The following GAB2 variants were observed in gnomAD, a reference collection of about 807,000 sequenced individuals.
GAB2 encodes the protein GRB2-associated-binding protein 2.
Under a neutral mutation model 65.5 loss-of-function variants are expected in GAB2, and 26 were observed. That is an observed-to-expected ratio of 0.40 (90% CI 0.29 to 0.55). The LOEUF (loss-of-function observed/expected upper bound fraction) is 0.55. Ranked by LOEUF, GAB2 falls within the 20% of genes least tolerant of loss-of-function variation. GAB2 has a pLI of 0.53. For synonymous variants in GAB2, 321 were observed against 329.6 expected, an observed-to-expected ratio of 0.97 and a Z score of 0.28; for missense variants, 884 against 875.8, an observed-to-expected ratio of 1.01 and a Z score of -0.12.
chr11:78,220,432 A>AC lies in GAB2; in HGVS notation c.1773dup (p.Ser592ValfsTer15). The AC allele has an allele frequency of 6.3e-7, 1 of 1,580,108 alleles. No individual in the cohort carries two copies. The highest frequency in any genetic ancestry group is 8.7e-7 in the Non-Finnish European group (1 of 1,155,932). On this transcript the variant is annotated frameshift_variant, in exon 9 of 10. Coordinates refer to ENST00000361507, the MANE Select transcript of GAB2 (RefSeq NM_080491.3). LOFTEE classifies it high-confidence loss of function. ...GTGCCACTGGGAACGGGAGATGCAGACACTGGGTTTTGCTGTCACGAGGAG... is the reference window on the plus strand; with the variant it reads ...GTGCCACTGGGAACGGGAGATGCAGACCACTGGGTTTTGCTGTCACGAGGAG...
At chr11:78,268,244 T>C (rs1865918061) in intron 2 of GAB2, among the ~76,000 whole-genome samples, 1 of 152,238 alleles carries the variant, frequency 6.6e-6, no homozygotes, top group Admixed American at 6.5e-5. Flanking sequence ...ACTCCTAGTT[T>C]ACTGTTGAAG....
At chr11:78,289,284 G>A (rs922148708) in intron 1 of GAB2, among the ~76,000 whole-genome samples, 1 of 152,034 alleles carries the variant, frequency 6.6e-6, no homozygotes, top group African/African-American at 2.4e-5. Flanking sequence ...TTCAAGAAAT[G>A]GTGCCAAAGC....
In GAB2 at chr11:78,275,175, G is replaced by A. The variant is rs575886763; in HGVS notation, c.376+5426C>T. 3.3e-4 allele frequency among the ~76,000 whole-genome samples: 50 copies of A among 152,254 alleles called. 1 individual carries two copies. Among genetic ancestry groups the A allele is most frequent in the Admixed American group, 1.1e-3 (17 of 15,278 alleles). On this transcript the variant is annotated intron_variant, in intron 2 of 9. Coordinates refer to ENST00000361507, the MANE Select transcript of GAB2 (RefSeq NM_080491.3). ...GCTCCAGTAAAAGGAAAGCAGTGTT[G>A]CATTAAGGAAGAGTTTCTGGGGCTG...
At chr11:78,377,143 T>A (rs568445843) in intron 1 of GAB2, among the ~76,000 whole-genome samples, 1 of 152,306 alleles carries the variant, frequency 6.6e-6, no homozygotes, top group South Asian at 2.1e-4. Flanking sequence ...TGTAAACCAA[T>A]TAAATCTATT....
intron 1 of GAB2, among the ~76,000 whole-genome samples, chr11:78,296,370 T>C (rs1446140602): frequency 6.6e-6 from 1 of 152,246 alleles, no homozygotes; most frequent in African/African-American, 2.4e-5. Context: ...AAAGACACCT[T>C]ATTTAATATT....
chr11:78,403,104 C>T (rs1856995733), intron 1 of GAB2, among the ~76,000 whole-genome samples: 1 of 152,188 alleles, frequency 6.6e-6, no homozygotes, highest in South Asian at 2.1e-4. Context: ...CTTGGACTTG[C>T]CAGCCTCCAG....
intron 1 of GAB2, among the ~76,000 whole-genome samples, chr11:78,288,395 AAAAG>A (rs1214101044): frequency 1.3e-5 from 2 of 150,556 alleles, no homozygotes; most frequent in African/African-American, 4.9e-5. Flanking sequence ...AAAAAAAAAA[AAAAG>A]AAGAAGAAGA....
chr11:78,288,060 G>C (rs1866536566), intron 1 of GAB2, among the ~76,000 whole-genome samples: 2 of 151,856 alleles, frequency 1.3e-5, no homozygotes, highest in South Asian at 4.1e-4. Flanking sequence ...AATGGTCCCT[G>C]TTTGCAGAGG....
At chr11:78,349,042 C>A (rs1460055939) in intron 1 of GAB2, among the ~76,000 whole-genome samples, 1 of 152,174 alleles carries the variant, frequency 6.6e-6, no homozygotes, top group Admixed American at 6.5e-5. Flanking sequence ...GGAAAGACTG[C>A]AAAGGGGCAA....
In GAB2 at chr11:78,374,816, C is replaced by T. The variant is rs7929945; in HGVS notation, c.75+42830G>A. Among the ~76,000 whole-genome samples, 691 of 152,170 alleles carry T rather than the reference C, an allele frequency of 4.5e-3. 4 individuals are homozygous for T. The highest frequency in any genetic ancestry group is 7.2e-3 in the Non-Finnish European group (490 of 67,984). On this transcript the variant is annotated intron_variant, in intron 1 of 9. Transcript: ENST00000361507. ...CAGGAAACTAAGAACTAAGAAAGAA[C>T]ATTTTATGGGTTTATTCTATGCATA... is the stretch of plus-strand genomic sequence containing the variant.
At chr11:78,404,955 C>T (rs112518760) in intron 1 of GAB2, among the ~76,000 whole-genome samples, 70 of 152,170 alleles carry the variant, frequency 4.6e-4, no homozygotes, top group Admixed American at 9.2e-4. Flanking sequence ...GATGAGTATC[C>T]TAAGCACACA....
chr11:78,224,730 G>T (rs73509322), intron 5 of GAB2, among the ~76,000 whole-genome samples: 2,115 of 152,230 alleles, frequency 0.014, 40 homozygotes, highest in African/African-American at 0.047. Context: ...TAGCCTGACT[G>T]TGAGTACCAC....
At chr11:78,406,501 C>A in intron 1 of GAB2, among the ~76,000 whole-genome samples, 1 of 152,100 alleles carries the variant, frequency 6.6e-6, no homozygotes, top group East Asian at 1.9e-4. Flanking sequence ...CCTCAGCCTC[C>A]GAAGTAGCTG....
chr11:78,225,321 C>T (rs1864600353), intron 4 of GAB2, 119 bp from the exon 5 acceptor site: 1 of 640,332 alleles, frequency 1.6e-6, no homozygotes, highest in African/African-American at 1.8e-5. Context: ...CTACTCTCAA[C>T]CCCAAATGAT....
At chr11:78,401,197 A>C (rs1278770578) in intron 1 of GAB2, among the ~76,000 whole-genome samples, 5 of 152,166 alleles carry the variant, frequency 3.3e-5, no homozygotes, top group Admixed American at 3.3e-4. Flanking sequence ...AGTGGCATTA[A>C]GTACATTCAC....
chr11:78,296,271 A>G (rs1866823784), intron 1 of GAB2, among the ~76,000 whole-genome samples: 1 of 152,162 alleles, frequency 6.6e-6, no homozygotes, highest in South Asian at 2.1e-4. Context: ...GCTCTAGGGG[A>G]AAAATACCAG....
At chr11:78,345,569 T>C (rs868670511) in intron 1 of GAB2, among the ~76,000 whole-genome samples, 1 of 152,216 alleles carries the variant, frequency 6.6e-6, no homozygotes, top group Non-Finnish European at 1.5e-5. Context: ...TTCTCAAGGC[T>C]ACCTGAATAA....
Position 78,301,330 on chromosome 11 carries a change from G to GGT in GAB2, c.76-20430_76-20429insAC, listed in dbSNP as rs1554985706. Among the ~76,000 whole-genome samples the GGT allele has an allele frequency of 5.4e-3, 785 of 145,730 alleles. 11 individuals are homozygous for GGT. The highest frequency in any genetic ancestry group is 0.019 in the African/African-American group (737 of 37,904). ...TTCATTTTCTTAGTGGTATCTTGTG[G>GGT]TTTTTTGTTTTTTTTTTGAGACAGA... On this transcript the variant is annotated intron_variant, in intron 1 of 9. Transcript: ENST00000361507.
At position 78,349,394 on chromosome 11, in the gene GAB2, A is replaced by C. The variant is rs536897642; in HGVS notation, c.75+68252T>G. On this transcript the variant is annotated intron_variant, in intron 1 of 9. Transcript: ENST00000361507. ...ACAAATCATCTTACTTAATTCTAAC[A>C]CTTTTGATGAGGTAGGCACTATTAT... Among the ~76,000 whole-genome samples, 3 of 152,288 alleles carry C rather than the reference A, an allele frequency of 2.0e-5. No homozygotes were observed. In the South Asian group the frequency reaches 6.2e-4, roughly 32 times the overall value.
Sources: allele counts gnomAD v4.1 joint callset (sites outside exome capture counted in the v4.1 genomes callset), GRCh38; gene constraint gnomAD v4.1.1; transcripts MANE v1.5; gene names NCBI Gene and HGNC (gene_info 2026-07-23, HGNC 2026-07-21).